The following PLA2G12B variants were observed in gnomAD, a reference collection of about 807,000 sequenced individuals.
The protein encoded by PLA2G12B is group XIIB secretory phospholipase A2-like protein.
A neutral mutation model predicts 22.3 loss-of-function variants in PLA2G12B; 19 were observed. That is an observed-to-expected ratio of 0.85 (90% confidence interval 0.60 to 1.25). The LOEUF (loss-of-function observed/expected upper bound fraction) is 1.25, where lower values mean the gene tolerates loss of function less well. Ranked by LOEUF, PLA2G12B falls within the 50% of genes most tolerant of loss-of-function variation. PLA2G12B has a pLI of 0.00. For missense variants in PLA2G12B, 191 were observed against 246.6 expected, an observed-to-expected ratio of 0.77 and a Z score of 1.51; for synonymous variants, 81 against 94.9, an observed-to-expected ratio of 0.85 and a Z score of 0.85.
chr10:72,941,525 T>TA (rs1228878894), intron 2 of PLA2G12B, among the ~76,000 whole-genome samples, 191 bp from the exon 3 acceptor site: 7 of 152,244 alleles, frequency 4.6e-5, no homozygotes, highest in African/African-American at 1.2e-4. Flanking sequence ...TGTTCATTGT[T>TA]ACTTAGTTAT....
At position 72,935,264 on chromosome 10, in the gene PLA2G12B, A is replaced by C. The variant is rs939011602; in HGVS notation, c.*353T>G. On this transcript the variant is annotated 3_prime_UTR_variant, in exon 4 of 4. Coordinates refer to ENST00000373032, the MANE Select transcript of PLA2G12B (RefSeq NM_032562.5). Reference sequence around the variant, plus strand: ...GCCAGCAGAAAGTCATTGCCTCCCAAATGGCTGGACTCCCCACAATTTCAC... The same window carrying C: ...GCCAGCAGAAAGTCATTGCCTCCCACATGGCTGGACTCCCCACAATTTCAC... 1.1e-5 allele frequency: 2 copies of C among 180,372 alleles called. No homozygotes were observed. The highest frequency in any genetic ancestry group is 4.7e-5 in the African/African-American group (2 of 42,518). The allele number at this position is 180,372 out of a possible 1,614,324, so 11.2% of individuals were successfully genotyped here.
intron 1 of PLA2G12B, among the ~76,000 whole-genome samples, chr10:72,950,378 C>T (rs1310467955): frequency 6.6e-6 from 1 of 152,060 alleles, no homozygotes; most frequent in Non-Finnish European, 1.5e-5. Flanking sequence ...TGAGTTATTT[C>T]CCTGGAAAAA....
In PLA2G12B at chr10:72,935,540, C is replaced by T. The variant is rs957439539; in HGVS notation, c.*77G>A. 5.7e-6 allele frequency: 9 copies of T among 1,575,516 alleles called. No homozygotes were observed. The highest frequency in any genetic ancestry group is 6.9e-6 in the Non-Finnish European group (8 of 1,158,032). ...AACTGTTGGAAGAACGAATGAGTCACGCTGACTCGAAGACTTGACATCTTG... is the reference window on the plus strand; with the variant it reads ...AACTGTTGGAAGAACGAATGAGTCATGCTGACTCGAAGACTTGACATCTTG... On this transcript the variant is annotated 3_prime_UTR_variant, in exon 4 of 4. Coordinates refer to ENST00000373032, the MANE Select transcript of PLA2G12B (RefSeq NM_032562.5).
rs370125411 is a variant in PLA2G12B, at chr10:72,946,592, A to G, written c.212-3852T>C. Among the ~76,000 whole-genome samples the G allele has an allele frequency of 1.1e-4, 17 of 152,344 alleles. No individual in the cohort carries two copies. In the South Asian group the frequency reaches 2.7e-3, roughly 24 times the overall value. ...AGGGTTCCCATTTCTCCACATCCTC[A>G]CTAACACTTGCTATTGTCTGTCTTT... On this transcript the variant is annotated intron_variant, in intron 1 of 3. Coordinates refer to ENST00000373032, the MANE Select transcript of PLA2G12B (RefSeq NM_032562.5).
At chr10:72,945,294 G>A (rs1846422040) in intron 1 of PLA2G12B, among the ~76,000 whole-genome samples, 1 of 152,156 alleles carries the variant, frequency 6.6e-6, no homozygotes, top group South Asian at 2.1e-4. Flanking sequence ...AAAAGACCAT[G>A]ATTTCTGTCT....
chr10:72,954,584 C>A lies in PLA2G12B; in HGVS notation c.102G>T (p.Trp34Cys). The A allele has an allele frequency of 6.2e-7, 1 of 1,614,178 alleles. No homozygotes were observed. The highest frequency in any genetic ancestry group is 8.5e-7 in the Non-Finnish European group (1 of 1,180,052). ...SPDTEESYSDWGLRHLRGSFE... is the reference protein window; with the variant it reads ...SPDTEESYSDCGLRHLRGSFE... ...AGCTTCCCCGGAGGTGCCGAAGGCC[C>A]CAGTCTGAATAGGACTCCTCCGTGT... The change falls in exon 1 of 4, where the codon TGG (tryptophan) becomes TGT (cysteine). Residue 34 changes from tryptophan to cysteine, a missense_variant. Transcript: ENST00000373032.
At chr10:72,953,952 G>A (rs971709685) in intron 1 of PLA2G12B, among the ~76,000 whole-genome samples, 2 of 152,220 alleles carry the variant, frequency 1.3e-5, no homozygotes, top group African/African-American at 4.8e-5. Context: ...TGGGAGGACG[G>A]TGTGAACTGC....
At chr10:72,952,776 G>A (rs1846552514) in intron 1 of PLA2G12B, among the ~76,000 whole-genome samples, 1 of 152,152 alleles carries the variant, frequency 6.6e-6, no homozygotes, top group South Asian at 2.1e-4. Flanking sequence ...AGTGAGAAGA[G>A]TTATTTGCCT....
rs1317231231 is a variant in PLA2G12B, at chr10:72,941,283, A to C, written c.352T>G (p.Cys118Gly). 1 of 1,613,802 alleles carries C rather than the reference A, an allele frequency of 6.2e-7. No homozygotes were observed. Among genetic ancestry groups the C allele is most frequent in the African/African-American group, 1.3e-5 (1 of 74,932 alleles). The change falls in exon 3 of 4, where the codon TGT (cysteine) becomes GGT (glycine). Residue 118 changes from cysteine to glycine, a missense_variant. Cys to Gly is a radical substitution (Grantham distance 159, BLOSUM62 -3). Coordinates refer to ENST00000373032, the MANE Select transcript of PLA2G12B (RefSeq NM_032562.5). ...MTKCCNQLDV[C>G]YDTCGANKYR... ...TTGTTGGCACCGCAAGTGTCATAAC[A>C]GACATCCAGCTGGTTGCAGCACTTT...
At chr10:72,948,491 T>A (rs1453930245) in intron 1 of PLA2G12B, among the ~76,000 whole-genome samples, 1 of 152,232 alleles carries the variant, frequency 6.6e-6, no homozygotes, top group African/African-American at 2.4e-5. Flanking sequence ...GGATACCATA[T>A]CCTCAAATTA....
At chr10:72,939,660 G>A (rs1846330092) in intron 3 of PLA2G12B, among the ~76,000 whole-genome samples, 1 of 152,090 alleles carries the variant, frequency 6.6e-6, no homozygotes, top group African/African-American at 2.4e-5. Flanking sequence ...AGGAACCTGT[G>A]TTTTGATTCA....
intron 3 of PLA2G12B, among the ~76,000 whole-genome samples, chr10:72,936,279 GATAGCT>G (rs1369489077): frequency 1.3e-5 from 2 of 152,156 alleles, no homozygotes; most frequent in Non-Finnish European, 2.9e-5. Context: ...CAGGTAAACA[GATAGCT>G]ACACTACCTC....
chr10:72,950,951 G>A (rs377627647), intron 1 of PLA2G12B, among the ~76,000 whole-genome samples: 7 of 152,258 alleles, frequency 4.6e-5, no homozygotes, highest in African/African-American at 1.7e-4. Context: ...GACTTCTTCC[G>A]GAAGCTGAGA....
chr10:72,950,113 C>T (rs1018830373), intron 1 of PLA2G12B, among the ~76,000 whole-genome samples: 9 of 152,136 alleles, frequency 5.9e-5, no homozygotes, highest in Non-Finnish European at 1.2e-4. Flanking sequence ...TAGAGAAGAA[C>T]TCTGTATTTC....
At chr10:72,946,890 T>C (rs1461051407) in intron 1 of PLA2G12B, among the ~76,000 whole-genome samples, 1 of 152,148 alleles carries the variant, frequency 6.6e-6, no homozygotes, top group Non-Finnish European at 1.5e-5. Context: ...TTCACGTTTT[T>C]GATGGTGTAA....
At chr10:72,952,528 A>G (rs1846548557) in intron 1 of PLA2G12B, among the ~76,000 whole-genome samples, 1 of 152,190 alleles carries the variant, frequency 6.6e-6, no homozygotes, top group Non-Finnish European at 1.5e-5. Flanking sequence ...TACTTAAAAG[A>G]CGAGCACGGT....
rs567388549 is a variant in PLA2G12B at position 72,953,841 on chromosome 10, A to G, written c.211+634T>C. 2.0e-5 allele frequency among the ~76,000 whole-genome samples: 3 copies of G among 152,260 alleles called. No individual in the cohort carries two copies. In the East Asian group the frequency reaches 5.8e-4, roughly 29 times the overall value. Reference sequence around the variant, plus strand: ...CCCCGGGATCCCTGGTGAGCCACGAACCCTTCCTCTCCACAGCATGCCTGT... The same window carrying G: ...CCCCGGGATCCCTGGTGAGCCACGAGCCCTTCCTCTCCACAGCATGCCTGT... On this transcript the variant is annotated intron_variant, in intron 1 of 3. Transcript: ENST00000373032.
rs1419078198 is a variant in PLA2G12B at position 72,954,721 on chromosome 10, AC to A, written c.-37del. On this transcript the variant is annotated 5_prime_UTR_variant, in exon 1 of 4. The change creates a premature stop within an existing upstream ORF in the 5' untranslated region. Transcript: ENST00000373032. ...GGTAGGTACTGGCTTCTCTCCTCAA[AC>A]CCCAGCCAGTGTCCCAGAATTCCAG... is the stretch of plus-strand genomic sequence containing the variant. 1.2e-6 allele frequency: 2 copies of A among 1,602,952 alleles called. No homozygotes were observed. The highest frequency in any genetic ancestry group is 1.7e-6 in the Non-Finnish European group (2 of 1,173,894).
At chr10:72,949,793 A>G (rs1846497989) in intron 1 of PLA2G12B, among the ~76,000 whole-genome samples, 1 of 152,152 alleles carries the variant, frequency 6.6e-6, no homozygotes, top group African/African-American at 2.4e-5. Flanking sequence ...CCTGGCCAAC[A>G]TGGTGAAACC....
Sources: allele counts gnomAD v4.1 joint callset (sites outside exome capture counted in the v4.1 genomes callset), GRCh38; gene constraint gnomAD v4.1.1; transcripts MANE v1.5; gene names NCBI Gene and HGNC (gene_info 2026-07-23, HGNC 2026-07-21).